Variants in GAPVD1 observed in about 807,000 individuals in gnomAD.
GAPVD1 encodes GTPase activating protein and VPS9 domains 1.
Under a neutral mutation model 155.5 loss-of-function variants are expected in GAPVD1, and 35 were observed. The ratio of observed to expected loss-of-function variants is 0.23; its 90% CI spans 0.17 to 0.30. GAPVD1 has a LOEUF of 0.30. Among genes scored for constraint, GAPVD1 ranks in the 10% least tolerant of loss-of-function variants. The probability of loss-of-function intolerance (pLI) is 1.00; values close to 1 mark genes in which losing one functional copy is unlikely to be tolerated. For missense variants in GAPVD1, 1,429 were observed against 1,775.7 expected (o/e 0.80, Z 3.51); for synonymous variants, 636 against 619.7 (o/e 1.03, Z -0.39).
rs765573697 is a variant in GAPVD1, at chr9:125,312,462, C to T, written c.1452C>T (p.Ser484=). Reference sequence around the variant, plus strand: ...GAAATTTTTTATTAGCAACTCGGAGCAGAAGCCGCACCAATATGCTAATGG... The same window carrying T: ...GAAATTTTTTATTAGCAACTCGGAGTAGAAGCCGCACCAATATGCTAATGG... ...KKNRLPIATR[S]RSRTNMLMDL... is the part of the protein sequence containing the mutation. The change falls in exon 9 of 28, where the codon AGC becomes AGT. Residue 484 remains serine (S), a synonymous_variant. Transcript: ENST00000297933. The T allele has an allele frequency of 6.3e-7, 1 of 1,581,594 alleles. No individual in the cohort carries two copies. Among genetic ancestry groups the T allele is most frequent in the Admixed American group, 1.9e-5 (1 of 51,548 alleles).
At chr9:125,302,877 G>T (rs1478261848) in intron 5 of GAPVD1, 51 bp downstream of exon 5, 39 of 1,537,130 alleles carry the variant, frequency 2.5e-5, no homozygotes, top group Non-Finnish European at 3.3e-5. Flanking sequence ...AAATTCAGTT[G>T]ATTGGGCTGT....
chr9:125,354,952 A>G, intron 24 of GAPVD1, 111 bp downstream of exon 24: 1 of 643,636 alleles, frequency 1.6e-6, no homozygotes, highest in East Asian at 2.6e-5. Context: ...TGCCTTAAAT[A>G]CCCAATTATT....
intron 2 of GAPVD1, among the ~76,000 whole-genome samples, chr9:125,286,166 T>C (rs2132320856): frequency 6.6e-6 from 1 of 152,170 alleles, no homozygotes; most frequent in African/African-American, 2.4e-5. Context: ...CAGGCTGGAG[T>C]GCAGTGGCGC....
intron 18 of GAPVD1, 58 bp downstream of exon 18, chr9:125,341,322 C>G: frequency 1.2e-6 from 1 of 863,948 alleles, no homozygotes; most frequent in Non-Finnish European, 1.9e-6. Flanking sequence ...GCCCCAGAAT[C>G]TCTTTCAGAG....
At position 125,362,920 on chromosome 9, in the gene GAPVD1, C is replaced by A; in HGVS notation, c.*174C>A. The A allele has an allele frequency of 2.4e-6, 1 of 424,860 alleles. No homozygotes were observed. Among genetic ancestry groups the A allele is most frequent in the South Asian group, 6.2e-5 (1 of 16,216 alleles). The allele number at this position is 424,860 out of a possible 1,614,324, so 26.3% of individuals were successfully genotyped here. ...TAATGAGCTAACAAGCAGGTTCTCT[C>A]GTCTTTGGGCTCTTTCCTTTCTGAG... On this transcript the variant is annotated 3_prime_UTR_variant, in exon 28 of 28. Transcript: ENST00000297933.
At chr9:125,291,922 G>A (rs1266221493) in intron 2 of GAPVD1, among the ~76,000 whole-genome samples, 2 of 152,118 alleles carry the variant, frequency 1.3e-5, no homozygotes, top group Admixed American at 1.3e-4. Flanking sequence ...AGGAGCAGGA[G>A]GTGAGATAGG....
chr9:125,277,789 C>T (rs1289260224), intron 2 of GAPVD1, among the ~76,000 whole-genome samples: 1 of 151,686 alleles, frequency 6.6e-6, no homozygotes, highest in African/African-American at 2.4e-5. Context: ...CCTACCTCAG[C>T]CTCCCAAGTA....
In GAPVD1 at chr9:125,312,623, G is replaced by T. The variant is rs745980805; in HGVS notation, c.1602+11G>T. The T allele has an allele frequency of 1.3e-6, 2 of 1,568,268 alleles. No homozygotes were observed. The highest frequency in any genetic ancestry group is 1.7e-6 in the Non-Finnish European group (2 of 1,163,152). On this transcript the variant is annotated intron_variant, in intron 9 of 27. Coordinates refer to ENST00000297933, the MANE Select transcript of GAPVD1 (RefSeq NM_001282680.3). ...ATGTCAGAAAATGAGGTATGAATCAGTTGCTTCTATAAATCAATATTCATG... is the reference window on the plus strand; with the variant it reads ...ATGTCAGAAAATGAGGTATGAATCATTTGCTTCTATAAATCAATATTCATG...
chr9:125,356,767 G>A, intron 25 of GAPVD1, among the ~76,000 whole-genome samples: 1 of 152,156 alleles, frequency 6.6e-6, no homozygotes, highest in Non-Finnish European at 1.5e-5. Flanking sequence ...TGCCTCCTGG[G>A]CTTAAGCGAT....
At chr9:125,290,994 TAA>T (rs35661152) in intron 2 of GAPVD1, among the ~76,000 whole-genome samples, 54 of 115,306 alleles carry the variant, frequency 4.7e-4, no homozygotes, top group Non-Finnish European at 5.1e-4. Context: ...TGTCTCAAAG[TAA>T]AAAAAAAAAA....
intron 2 of GAPVD1, among the ~76,000 whole-genome samples, chr9:125,287,520 T>A (rs561489927): frequency 4.2e-4 from 64 of 151,896 alleles, no homozygotes; most frequent in African/African-American, 1.4e-3. Flanking sequence ...AAATAAAAAA[T>A]AAAAGAAAAA....
At chr9:125,301,832 T>C in intron 4 of GAPVD1, 151 bp from the exon 5 acceptor site, 1 of 567,520 alleles carries the variant, frequency 1.8e-6, no homozygotes, top group Non-Finnish European at 3.0e-6. Context: ...ACTCATTGAG[T>C]TGCTGTTAGT....
At chr9:125,333,847 A>G (rs1288173152) in intron 15 of GAPVD1, among the ~76,000 whole-genome samples, 1 of 152,152 alleles carries the variant, frequency 6.6e-6, no homozygotes, top group Non-Finnish European at 1.5e-5. Context: ...TTTAACCTTA[A>G]CACCATTGAC....
chr9:125,336,878 A>ATTTTTTTT, intron 15 of GAPVD1, 140 bp from the exon 16 acceptor site: 1 of 554,962 alleles, frequency 1.8e-6, no homozygotes, highest in Non-Finnish European at 3.2e-6. Flanking sequence ...TCATAATTTG[A>ATTTTTTTT]TTTTTTTTTT....
intron 2 of GAPVD1, chr9:125,287,769 C>A (rs1837941183): frequency 6.6e-6 from 1 of 152,104 alleles, no homozygotes; most frequent in Non-Finnish European, 1.5e-5. Context: ...GAGATGGAGT[C>A]TTGCTCTGTC....
At chr9:125,337,992 C>A (rs1307644369) in intron 17 of GAPVD1, among the ~76,000 whole-genome samples, 1 of 152,200 alleles carries the variant, frequency 6.6e-6, no homozygotes, top group African/African-American at 2.4e-5. Context: ...TCCTCTGCCT[C>A]AGCCTCCTGA....
At chr9:125,346,994 A>T (rs1848597327) in intron 20 of GAPVD1, 53 bp downstream of exon 20, 1 of 1,578,572 alleles carries the variant, frequency 6.3e-7, no homozygotes, top group African/African-American at 1.4e-5. Context: ...ATAGTGATAA[A>T]GGTAATCTGA....
chr9:125,341,231 TG>T lies in GAPVD1; in HGVS notation c.2934del (p.Trp978Ter). On this transcript the variant is annotated frameshift_variant, in exon 18 of 28. Coordinates refer to ENST00000297933, the MANE Select transcript of GAPVD1 (RefSeq NM_001282680.3). LOFTEE classifies it high-confidence loss of function. ...DEKSDRNRPW[W>X]RKRFVSAMPK... ...GAAATCAGACAGGAACAGACCTTGG[TG>T]GAGAAAACGTTTTGTTTCAGCCATG... is the stretch of plus-strand genomic sequence containing the variant. The T allele has an allele frequency of 6.3e-7, 1 of 1,597,518 alleles. No homozygotes were observed. The highest frequency in any genetic ancestry group is 8.6e-7 in the Non-Finnish European group (1 of 1,167,546).
chr9:125,292,374 A>C (rs1838749144), intron 2 of GAPVD1, among the ~76,000 whole-genome samples: 1 of 152,074 alleles, frequency 6.6e-6, no homozygotes. Flanking sequence ...GGGCAGACTA[A>C]ACTAAGACTT....
Sources: gnomAD v4.1 joint callset for allele counts (sites outside exome capture counted in the v4.1 genomes callset) on GRCh38, gnomAD v4.1.1 for gene constraint, MANE v1.5 for transcripts, NCBI Gene and HGNC (gene_info 2026-07-23, HGNC 2026-07-21) for gene names.